The following ERBB4 variants were observed in gnomAD, a reference collection of about 807,000 sequenced individuals.
ERBB4 encodes the protein receptor tyrosine-protein kinase erbB-4.
A neutral mutation model predicts 158.0 loss-of-function variants in ERBB4; 42 were observed. That is an observed-to-expected ratio of 0.27 (90% CI 0.21 to 0.34). The LOEUF (loss-of-function observed/expected upper bound fraction) is 0.34. Ranked by LOEUF, ERBB4 falls within the 10% of genes least tolerant of loss-of-function variation. The pLI, the probability that ERBB4 is intolerant of heterozygous loss-of-function variation, is 1.00. For missense variants in ERBB4, 1,333 were observed against 1,624.1 expected, an observed-to-expected ratio of 0.82 and a Z score of 3.08; for synonymous variants, 583 against 558.7, an observed-to-expected ratio of 1.04 and a Z score of -0.61.
In ERBB4 at chr2:211,378,270, C is replaced by G. The variant is rs988782789; in HGVS notation, c.*5345G>C. 1.7e-5 allele frequency: 4 copies of G among 232,722 alleles called. No individual in the cohort carries two copies. The highest frequency in any genetic ancestry group is 3.4e-5 in the Non-Finnish European group (4 of 117,626). 14.4% of individuals were successfully genotyped at this position (232,722 alleles called of 1,614,324 possible). On this transcript the variant is annotated 3_prime_UTR_variant, in exon 28 of 28. Coordinates refer to ENST00000342788, the MANE Select transcript of ERBB4 (RefSeq NM_005235.3). The stretch of plus-strand genomic sequence containing the variant: ...TTCCAGAGGAAGCATGTGAATACCC[C>G]CCGTGAAATTGGGGCTTAGAGTCAT...
intron 25 of ERBB4, among the ~76,000 whole-genome samples, chr2:211,407,012 G>A (rs527427934): frequency 4.6e-5 from 7 of 152,122 alleles, no homozygotes; most frequent in African/African-American, 1.4e-4. Flanking sequence ...CCCAGAGTGG[G>A]GAGGTTGCAG....
intron 25 of ERBB4, among the ~76,000 whole-genome samples, chr2:211,414,084 G>A (rs1048577664): frequency 6.6e-6 from 1 of 152,136 alleles, no homozygotes; most frequent in East Asian, 1.9e-4. Context: ...ACTTGTGGGG[G>A]CGAGTTGGAG....
intron 1 of ERBB4, among the ~76,000 whole-genome samples, chr2:212,148,733 T>C (rs906125886): frequency 4.0e-5 from 6 of 150,294 alleles, no homozygotes; most frequent in Admixed American, 1.3e-4. Context: ...TATTGCGGCA[T>C]TATTCACAAT....
chr2:211,823,257 T>C (rs1349251120), intron 3 of ERBB4, among the ~76,000 whole-genome samples: 2 of 151,984 alleles, frequency 1.3e-5, no homozygotes, highest in Admixed American at 6.6e-5. Flanking sequence ...AATAGCTATG[T>C]GAGGACATTC....
At chr2:211,946,366 A>C (rs2080690512) in intron 3 of ERBB4, among the ~76,000 whole-genome samples, 2 of 151,984 alleles carry the variant, frequency 1.3e-5, no homozygotes, top group African/African-American at 4.8e-5. Context: ...GACAACATTC[A>C]TCTTGCTTTT....
intron 2 of ERBB4, among the ~76,000 whole-genome samples, chr2:212,121,377 TA>T (rs1327591025): frequency 6.6e-6 from 1 of 152,040 alleles, no homozygotes; most frequent in African/African-American, 2.4e-5. Context: ...CACACCTAAT[TA>T]ATTTTTGTAT....
chr2:212,448,928 C>T (rs2092404500), intron 1 of ERBB4, among the ~76,000 whole-genome samples: 1 of 152,204 alleles, frequency 6.6e-6, no homozygotes, highest in African/African-American at 2.4e-5. Context: ...ACTGAGGTTA[C>T]ATTTGCTTTT....
chr2:212,513,817 A>C (rs1387103260), intron 1 of ERBB4, among the ~76,000 whole-genome samples: 1 of 152,102 alleles, frequency 6.6e-6, no homozygotes, highest in African/African-American at 2.4e-5. Flanking sequence ...GTCTCAAAAA[A>C]TAAATAAATA....
At chr2:212,425,327 AAT>A (rs1043071861) in intron 1 of ERBB4, among the ~76,000 whole-genome samples, 10 of 117,250 alleles carry the variant, frequency 8.5e-5, no homozygotes, top group African/African-American at 4.5e-4. Context: ...GTGTTGGATA[AAT>A]ATATAAGGAT....
At chr2:212,207,501 G>C (rs990990854) in intron 1 of ERBB4, among the ~76,000 whole-genome samples, 6 of 152,156 alleles carry the variant, frequency 3.9e-5, no homozygotes, top group Non-Finnish European at 8.8e-5. Context: ...TCAAAGAACA[G>C]TGAAGCTTTA....
intron 1 of ERBB4, among the ~76,000 whole-genome samples, chr2:212,127,559 T>G (rs1391576450): frequency 6.6e-6 from 1 of 152,118 alleles, no homozygotes; most frequent in Non-Finnish European, 1.5e-5. Context: ...GCCACTGCAC[T>G]CCAGCCTGGG....
chr2:212,516,833 C>T (rs1000844296), intron 1 of ERBB4, among the ~76,000 whole-genome samples: 1 of 152,094 alleles, frequency 6.6e-6, no homozygotes, highest in African/African-American at 2.4e-5. Flanking sequence ...CTTTGTACAT[C>T]AGGCTGTCTG....
At chr2:211,843,231 T>C in intron 3 of ERBB4, among the ~76,000 whole-genome samples, 1 of 152,172 alleles carries the variant, frequency 6.6e-6, no homozygotes, top group East Asian at 1.9e-4. Context: ...CTATTTATCT[T>C]CTCCTAGAAA....
chr2:211,567,608 C>G (rs1417980072), intron 19 of ERBB4, among the ~76,000 whole-genome samples: 1 of 152,110 alleles, frequency 6.6e-6, no homozygotes, highest in Non-Finnish European at 1.5e-5. Flanking sequence ...AAAAAAGTCA[C>G]ACGGAAGCTC....
intron 26 of ERBB4, 57 bp downstream of exon 26, chr2:211,387,888 C>A: frequency 7.7e-7 from 1 of 1,300,784 alleles, no homozygotes; most frequent in East Asian, 2.3e-5. Context: ...AGAGAGGAAA[C>A]ATGGTAAGCA....
chr2:212,351,172 T>C (rs2106340859), intron 1 of ERBB4, among the ~76,000 whole-genome samples: 1 of 152,136 alleles, frequency 6.6e-6, no homozygotes, highest in East Asian at 1.9e-4. Flanking sequence ...ACCTGACAGG[T>C]GTCCTTATAA....
intron 1 of ERBB4, among the ~76,000 whole-genome samples, chr2:212,459,553 C>G (rs1481032512): frequency 6.6e-6 from 1 of 152,136 alleles, no homozygotes; most frequent in Non-Finnish European, 1.5e-5. Flanking sequence ...AATACACTCT[C>G]TCTCAAAATA....
chr2:211,416,242 T>G lies in ERBB4; in HGVS notation c.3135+4199A>C, dbSNP rs1164802852. 3.3e-5 allele frequency among the ~76,000 whole-genome samples: 5 copies of G among 152,284 alleles called. No individual in the cohort carries two copies. In the East Asian group the frequency reaches 7.7e-4, roughly 23 times the overall value. ...TTTATTCACTATTTTTATTCATTGCTATTTCATTTAATATACAATTTATTA... is the reference window on the plus strand; with the variant it reads ...TTTATTCACTATTTTTATTCATTGCGATTTCATTTAATATACAATTTATTA... On this transcript the variant is annotated intron_variant, in intron 25 of 27. Transcript: ENST00000342788.
intron 4 of ERBB4, among the ~76,000 whole-genome samples, chr2:211,784,590 C>G (rs1178389948): frequency 6.6e-6 from 1 of 152,006 alleles, no homozygotes; most frequent in Non-Finnish European, 1.5e-5. Flanking sequence ...CATTGAGAAC[C>G]TGCATTTAAT....
Sources: allele counts gnomAD v4.1 joint callset (sites outside exome capture counted in the v4.1 genomes callset), GRCh38; gene constraint gnomAD v4.1.1; transcripts MANE v1.5; gene names NCBI Gene and HGNC (gene_info 2026-07-23, HGNC 2026-07-21).